LRBA: variants seen among roughly 807,000 people sequenced by gnomAD.
LRBA encodes the protein lipopolysaccharide-responsive and beige-like anchor protein.
In LRBA, 176 loss-of-function variants were observed where a neutral mutation model predicts 330.0. The ratio of observed to expected loss-of-function variants is 0.53; its 90% confidence interval spans 0.47 to 0.60. The LOEUF (loss-of-function observed/expected upper bound fraction) is 0.60, where lower values mean the gene tolerates loss of function less well. Among genes scored for constraint, LRBA ranks in the 20% least tolerant of loss-of-function variants. LRBA has a pLI of 0.00. For synonymous variants in LRBA, 1,230 were observed against 1,193.0 expected (o/e 1.03, Z -0.64); for missense variants, 3,259 against 3,444.8 (o/e 0.95, Z 1.35).
At chr4:150,301,192 A>G (rs968471558) in intron 53 of LRBA, among the ~76,000 whole-genome samples, 2 of 152,108 alleles carry the variant, frequency 1.3e-5, no homozygotes, top group Non-Finnish European at 2.9e-5. Context: ...AAGGACCAGA[A>G]TATTGTGTTC....
At chr4:150,730,976 T>C (rs552629423) in intron 36 of LRBA, among the ~76,000 whole-genome samples, 7 of 152,190 alleles carry the variant, frequency 4.6e-5, no homozygotes, top group Non-Finnish European at 1.5e-5. Flanking sequence ...CAAGATCATG[T>C]CACTGTACTT....
intron 2 of LRBA, among the ~76,000 whole-genome samples, chr4:150,994,545 T>C (rs1742437026): frequency 6.6e-6 from 1 of 151,902 alleles, no homozygotes; most frequent in Admixed American, 6.6e-5. Context: ...TGTATTCTAA[T>C]AAAAGAAAAC....
chr4:150,945,692 G>A (rs1401908839), intron 2 of LRBA, among the ~76,000 whole-genome samples: 1 of 152,070 alleles, frequency 6.6e-6, no homozygotes, highest in African/African-American at 2.4e-5. Context: ...TATAGATAAG[G>A]CAAGTCATTC....
At chr4:150,798,768 T>C (rs1741160547) in intron 33 of LRBA, among the ~76,000 whole-genome samples, 1 of 152,182 alleles carries the variant, frequency 6.6e-6, no homozygotes, top group South Asian at 2.1e-4. Context: ...TTAATACCTA[T>C]TTAAAGAAGT....
At chr4:150,973,325 G>A (rs1036671115) in intron 2 of LRBA, among the ~76,000 whole-genome samples, 1 of 152,004 alleles carries the variant, frequency 6.6e-6, no homozygotes, top group South Asian at 2.1e-4. Flanking sequence ...GCGCCACCAC[G>A]CCCAGCTAAT....
chr4:150,828,298 A>G lies in LRBA; in HGVS notation c.5053T>C (p.Leu1685=). 6.2e-7 allele frequency: 1 copy of G among 1,614,176 alleles called. No homozygotes were observed. The highest frequency in any genetic ancestry group is 8.5e-7 in the Non-Finnish European group (1 of 1,180,006). ...ACTCCATCTGCTGGTATGTTAACCAAGCTTCGGAGAATGTCTTTCACATTG... is the reference window on the plus strand; with the variant it reads ...ACTCCATCTGCTGGTATGTTAACCAGGCTTCGGAGAATGTCTTTCACATTG... The part of the protein sequence containing the change: ...NVNVKDILRS[L]VNIPADGVTV... The change falls in exon 30 of 57, where the codon TTG becomes CTG. Residue 1685 remains leucine (L), a synonymous_variant. Coordinates refer to ENST00000651943, the MANE Select transcript of LRBA (RefSeq NM_001364905.1).
chr4:150,833,891 T>G (rs1180574801), intron 28 of LRBA, among the ~76,000 whole-genome samples: 1 of 152,242 alleles, frequency 6.6e-6, no homozygotes, highest in Non-Finnish European at 1.5e-5. Flanking sequence ...TTTTATCAAA[T>G]ACATTTAGGT....
chr4:150,417,810 G>A (rs1747996581), intron 46 of LRBA, among the ~76,000 whole-genome samples: 1 of 152,172 alleles, frequency 6.6e-6, no homozygotes, highest in African/African-American at 2.4e-5. Context: ...ACACCAATTT[G>A]AGGAAGCAGA....
chr4:150,831,967 T>C lies in LRBA; in HGVS notation c.4579A>G (p.Lys1527Glu), dbSNP rs1224472528. 2.0e-6 allele frequency: 3 copies of C among 1,510,868 alleles called. No individual in the cohort carries two copies. Among genetic ancestry groups the C allele is most frequent in the Non-Finnish European group, 2.7e-6 (3 of 1,122,240 alleles). 93.6% of individuals were successfully genotyped at this position (1,510,868 alleles called of 1,614,324 possible). ...AVVFRDIEDS[K>E]QAQFLALAVV... is the part of the protein sequence containing the mutation. ...GCCAAGGCTAAAAATTGAGCTTGTT[T>C]GCTATCCTCCTGGGAAAAAAAATTA... The change falls in exon 29 of 57, where the codon AAA becomes GAA. Residue 1527 changes from lysine to glutamate, a missense_variant. Coordinates refer to ENST00000651943, the MANE Select transcript of LRBA (RefSeq NM_001364905.1).
At chr4:150,401,656 A>G (rs1219488599) in intron 47 of LRBA, among the ~76,000 whole-genome samples, 2 of 152,154 alleles carry the variant, frequency 1.3e-5, no homozygotes, top group African/African-American at 4.8e-5. Flanking sequence ...TATATCACTA[A>G]CAAAAGTGAT....
At chr4:150,921,886 C>T (rs972570078) in intron 4 of LRBA, among the ~76,000 whole-genome samples, 1 of 152,168 alleles carries the variant, frequency 6.6e-6, no homozygotes, top group Non-Finnish European at 1.5e-5. Flanking sequence ...CCACCACACC[C>T]GGCTAACTTT....
chr4:150,942,194 A>G (rs1735742349), intron 2 of LRBA, among the ~76,000 whole-genome samples: 1 of 152,202 alleles, frequency 6.6e-6, no homozygotes, highest in Admixed American at 6.5e-5. Context: ...AAATGTTTTC[A>G]CCGAATACAA....
chr4:150,398,177 A>C (rs1745002676), intron 47 of LRBA, among the ~76,000 whole-genome samples: 1 of 152,204 alleles, frequency 6.6e-6, no homozygotes, highest in Non-Finnish European at 1.5e-5. Flanking sequence ...AACAGATCTA[A>C]ATAAGCATGG....
chr4:150,645,029 C>G (rs896295948), intron 37 of LRBA, among the ~76,000 whole-genome samples: 1 of 151,310 alleles, frequency 6.6e-6, no homozygotes, highest in African/African-American at 2.4e-5. Context: ...ATGGTCTTAA[C>G]CAATGTCATT....
intron 13 of LRBA, among the ~76,000 whole-genome samples, chr4:150,902,765 A>C (rs1730886009): frequency 6.6e-6 from 1 of 152,082 alleles, no homozygotes; most frequent in African/African-American, 2.4e-5. Context: ...TGTTCAAGAC[A>C]CCAAGAACCT....
chr4:150,845,395 GAT>G (rs1749709360), intron 26 of LRBA, among the ~76,000 whole-genome samples: 3 of 152,140 alleles, frequency 2.0e-5, no homozygotes, highest in Admixed American at 6.5e-5. Flanking sequence ...AAGGGAATTT[GAT>G]TAATATACAG....
At chr4:150,638,180 C>A (rs1778118480) in intron 37 of LRBA, among the ~76,000 whole-genome samples, 2 of 151,830 alleles carry the variant, frequency 1.3e-5, no homozygotes, top group Admixed American at 1.3e-4. Context: ...TACAGGCAAG[C>A]ACCGCTATGC....
intron 36 of LRBA, among the ~76,000 whole-genome samples, chr4:150,719,298 C>A (rs537989043): frequency 1.1e-4 from 17 of 152,076 alleles, no homozygotes; most frequent in African/African-American, 3.9e-4. Flanking sequence ...AGAACACACA[C>A]TACCCACCAC....
At chr4:150,857,940 C>T (rs967455832) in intron 22 of LRBA, among the ~76,000 whole-genome samples, 2 of 151,990 alleles carry the variant, frequency 1.3e-5, no homozygotes, top group African/African-American at 4.8e-5. Flanking sequence ...AAATAATACT[C>T]TAAAATAGTA....
Sources: allele counts gnomAD v4.1 joint callset (sites outside exome capture counted in the v4.1 genomes callset), GRCh38; gene constraint gnomAD v4.1.1; transcripts MANE v1.5; gene names NCBI Gene and HGNC (gene_info 2026-07-23, HGNC 2026-07-21).